The following NUMB variants were observed in gnomAD, a reference collection of about 807,000 sequenced individuals.
NUMB encodes NUMB endocytic adaptor protein.
A neutral mutation model predicts 59.7 loss-of-function variants in NUMB; 29 were observed. That is an observed-to-expected ratio of 0.49 (90% CI 0.36 to 0.66). NUMB has a LOEUF of 0.66. NUMB is among the 30% of genes least tolerant of loss of function. The pLI, the probability that NUMB is intolerant of heterozygous loss-of-function variation, is 0.00. For missense variants in NUMB, 723 were observed against 822.0 expected (o/e 0.88, Z 1.47); for synonymous variants, 288 against 288.2 (o/e 1.00, Z 0.01).
At chr14:73,360,413 C>T (rs549899066) in intron 3 of NUMB, among the ~76,000 whole-genome samples, 44 of 152,186 alleles carry the variant, frequency 2.9e-4, no homozygotes, top group African/African-American at 9.4e-4. Flanking sequence ...AAAAAATTAG[C>T]GAAGTGTGGT....
chr14:73,372,337 A>ATAT (rs1566766552), intron 2 of NUMB, among the ~76,000 whole-genome samples: 4 of 77,750 alleles, frequency 5.1e-5, no homozygotes, highest in South Asian at 4.5e-4. Flanking sequence ...ATATATATAT[A>ATAT]ACCTTTTATA....
chr14:73,283,790 T>C (rs1333344354), intron 10 of NUMB, among the ~76,000 whole-genome samples: 1 of 152,222 alleles, frequency 6.6e-6, no homozygotes, highest in Non-Finnish European at 1.5e-5. Context: ...TGGGAGCAGG[T>C]TGGCTGAAAG....
chr14:73,408,416 A>G (rs1896770647), intron 2 of NUMB, among the ~76,000 whole-genome samples: 1 of 152,186 alleles, frequency 6.6e-6, no homozygotes, highest in Admixed American at 6.5e-5. Flanking sequence ...AATAATTATC[A>G]AATTATTCAA....
At chr14:73,428,157 T>G (rs1056934737) in intron 1 of NUMB, among the ~76,000 whole-genome samples, 66 of 152,146 alleles carry the variant, frequency 4.3e-4, no homozygotes, top group Non-Finnish European at 6.8e-4. Context: ...AAAAATAGTC[T>G]CAAGAGAATA....
intron 6 of NUMB, among the ~76,000 whole-genome samples, chr14:73,302,699 ACTG>A (rs1890217717): frequency 6.6e-6 from 1 of 151,948 alleles, no homozygotes. Flanking sequence ...GGCATGAGCC[ACTG>A]CGCCTGGCCA....
intron 2 of NUMB, among the ~76,000 whole-genome samples, chr14:73,367,298 C>T (rs12436967): frequency 0.37 from 38,763 of 106,098 alleles, 6,001 homozygotes; most frequent in African/African-American, 0.46. Context: ...TATATATATA[C>T]ACACACACAC....
At chr14:73,399,931 C>T (rs888287604) in intron 2 of NUMB, among the ~76,000 whole-genome samples, 5 of 151,136 alleles carry the variant, frequency 3.3e-5, no homozygotes, top group East Asian at 2.0e-4. Context: ...CCCAGCTACT[C>T]GGGAGGCTGA....
intron 2 of NUMB, among the ~76,000 whole-genome samples, chr14:73,394,261 G>C (rs191573466): frequency 2.2e-4 from 34 of 152,280 alleles, no homozygotes; most frequent in African/African-American, 7.9e-4. Context: ...TAAAAATTAT[G>C]TATTTATGAT....
chr14:73,387,617 A>G (rs905594491), intron 2 of NUMB, among the ~76,000 whole-genome samples: 29 of 151,888 alleles, frequency 1.9e-4, no homozygotes, highest in Middle Eastern at 3.4e-3. Flanking sequence ...AGTCAATTAA[A>G]GAGACCTCCG....
chr14:73,353,867 A>G (rs887865766), intron 4 of NUMB, among the ~76,000 whole-genome samples: 9 of 151,996 alleles, frequency 5.9e-5, no homozygotes, highest in African/African-American at 1.9e-4. Flanking sequence ...GGTGGGGGAG[A>G]TAACAGAAAA....
At chr14:73,378,129 A>G (rs567652918) in intron 2 of NUMB, among the ~76,000 whole-genome samples, 1 of 152,334 alleles carries the variant, frequency 6.6e-6, no homozygotes, top group African/African-American at 2.4e-5. Flanking sequence ...AAGAAGAAAT[A>G]CAGATGGTAA....
intron 1 of NUMB, among the ~76,000 whole-genome samples, chr14:73,444,806 G>A (rs374431340): frequency 3.4e-5 from 5 of 145,700 alleles, no homozygotes; most frequent in African/African-American, 1.0e-4. Flanking sequence ...GCAGTGAGCC[G>A]AGATCACGCC....
intron 1 of NUMB, among the ~76,000 whole-genome samples, chr14:73,421,682 TC>T (rs1897351994): frequency 6.6e-6 from 1 of 152,140 alleles, no homozygotes; most frequent in African/African-American, 2.4e-5. Flanking sequence ...AATAGGATTT[TC>T]TAAAACAGTG....
chr14:73,311,549 T>G (rs1453575539), intron 6 of NUMB, among the ~76,000 whole-genome samples: 3 of 152,172 alleles, frequency 2.0e-5, no homozygotes, highest in African/African-American at 7.2e-5. Flanking sequence ...GAAGTGATGG[T>G]GGTCAGGTCC....
chr14:73,293,399 T>C lies in NUMB; in HGVS notation c.310-525A>G, dbSNP rs541569147. ...TTTCCACTCGTTTCTTTTTCTTTTT[T>C]TTTTTTTTTTTTTGGACAGTCTCAC... On this transcript the variant is annotated intron_variant, in intron 7 of 12. Transcript: ENST00000555238. Among the ~76,000 whole-genome samples, 159 of 142,994 alleles carry C rather than the reference T, an allele frequency of 1.1e-3. 1 individual carries two copies. In the East Asian group the frequency reaches 0.017, roughly 16 times the overall value. The allele number at this position is 142,994 out of a possible 152,430, so 93.8% of individuals were successfully genotyped here.
intron 6 of NUMB, among the ~76,000 whole-genome samples, chr14:73,314,871 T>G (rs1891002609): frequency 6.6e-6 from 1 of 152,040 alleles, no homozygotes; most frequent in Admixed American, 6.6e-5. Flanking sequence ...CCACAAAAAG[T>G]TTCCTAAAGT....
chr14:73,422,671 G>C (rs1156534515), intron 1 of NUMB, among the ~76,000 whole-genome samples: 1 of 151,930 alleles, frequency 6.6e-6, no homozygotes, highest in African/African-American at 2.4e-5. Flanking sequence ...CACATGGTGA[G>C]ATCAGGGGAA....
chr14:73,331,660 G>T (rs533935479), intron 4 of NUMB, among the ~76,000 whole-genome samples: 1 of 152,290 alleles, frequency 6.6e-6, no homozygotes, highest in East Asian at 1.9e-4. Context: ...GGCACGACAA[G>T]GTGGAAGTAA....
chr14:73,394,295 T>C (rs114887631), intron 2 of NUMB, among the ~76,000 whole-genome samples: 199 of 152,232 alleles, frequency 1.3e-3, no homozygotes, highest in African/African-American at 4.5e-3. Flanking sequence ...TTTTGATGTA[T>C]GTATACATTG....
Sources: gnomAD v4.1 joint callset for allele counts (sites outside exome capture counted in the v4.1 genomes callset) on GRCh38, gnomAD v4.1.1 for gene constraint, MANE v1.5 for transcripts, NCBI Gene and HGNC (gene_info 2026-07-23, HGNC 2026-07-21) for gene names.